Variants in CNTLN observed in about 807,000 individuals in gnomAD.
CNTLN encodes the protein centlein.
In CNTLN, 212 loss-of-function variants were observed where a neutral mutation model predicts 180.0. The ratio of observed to expected loss-of-function variants is 1.18; its 90% confidence interval spans 1.05 to 1.32. The LOEUF (loss-of-function observed/expected upper bound fraction) is 1.32. CNTLN is among the 40% of genes most tolerant of loss of function. The pLI is 0.00. For synonymous variants in CNTLN, 722 were observed against 563.1 expected, an observed-to-expected ratio of 1.28 and a Z score of -3.99; for missense variants, 2,095 against 1,610.9, an observed-to-expected ratio of 1.30 and a Z score of -5.14.
intron 25 of CNTLN, among the ~76,000 whole-genome samples, chr9:17,488,599 T>C (rs1832998263): frequency 6.6e-6 from 1 of 152,120 alleles, no homozygotes; most frequent in African/African-American, 2.4e-5. Flanking sequence ...GTACTGACAC[T>C]GGACCTGAGT....
chr9:17,295,364 C>A lies in CNTLN; in HGVS notation c.984-2826C>A, dbSNP rs73420220. 8.9e-3 allele frequency among the ~76,000 whole-genome samples: 1,362 copies of A among 152,314 alleles called. 21 individuals are homozygous for A. Among genetic ancestry groups the A allele is most frequent in the African/African-American group, 0.031 (1,280 of 41,580 alleles). ...TGGCGCGGAGAGCGAGCCACGACTG[C>A]GAGGGCTGCCAGCACACTGGCACCT... is the stretch of plus-strand genomic sequence containing the variant. On this transcript the variant is annotated intron_variant, in intron 6 of 25. Coordinates refer to ENST00000380647, the MANE Select transcript of CNTLN (RefSeq NM_017738.4).
At chr9:17,244,079 G>C (rs990459309) in intron 5 of CNTLN, among the ~76,000 whole-genome samples, 2 of 151,728 alleles carry the variant, frequency 1.3e-5, no homozygotes, top group Non-Finnish European at 1.5e-5. Flanking sequence ...TCTTTTTATA[G>C]TTGTTGTCTT....
chr9:17,265,616 C>G (rs1022423867), intron 5 of CNTLN, among the ~76,000 whole-genome samples: 1 of 152,088 alleles, frequency 6.6e-6, no homozygotes, highest in African/African-American at 2.4e-5. Context: ...TGGAGTGGTA[C>G]CAGCTCCTCT....
chr9:17,140,640 C>G (rs1818025866), intron 1 of CNTLN, among the ~76,000 whole-genome samples: 1 of 152,042 alleles, frequency 6.6e-6, no homozygotes. Flanking sequence ...GGGGGTCTCA[C>G]TATGTTGCCC....
intron 18 of CNTLN, among the ~76,000 whole-genome samples, chr9:17,420,701 C>A (rs1828652051): frequency 6.6e-6 from 1 of 152,004 alleles, no homozygotes; most frequent in South Asian, 2.1e-4. Context: ...TAGGTATAAA[C>A]TTCTCTCTTA....
At chr9:17,234,601 T>A (rs1825020175) in intron 3 of CNTLN, among the ~76,000 whole-genome samples, 1 of 152,026 alleles carries the variant, frequency 6.6e-6, no homozygotes, top group Non-Finnish European at 1.5e-5. Context: ...TGTGAGAGTA[T>A]AAAATAAATC....
chr9:17,257,155 T>C (rs918293129), intron 5 of CNTLN, among the ~76,000 whole-genome samples: 1 of 147,736 alleles, frequency 6.8e-6, no homozygotes, highest in African/African-American at 2.5e-5. Flanking sequence ...GTCCCCAGAG[T>C]GTGATGTTCC....
the CNTLN span, among the ~76,000 whole-genome samples, chr9:17,512,113 A>G: frequency 6.6e-6 from 1 of 152,212 alleles, no homozygotes. Context: ...AACTAAAACC[A>G]GTGTCAGAAA....
intron 8 of CNTLN, among the ~76,000 whole-genome samples, chr9:17,328,196 A>G (rs530360562): frequency 2.0e-5 from 3 of 152,292 alleles, no homozygotes; most frequent in South Asian, 4.1e-4. Flanking sequence ...AGCCTTCAGC[A>G]TAATTAGAAG....
At position 17,412,495 on chromosome 9, in the gene CNTLN, T is replaced by C. The variant is rs570988439; in HGVS notation, c.2796+3022T>C. Reference sequence around the variant, plus strand: ...TTTTCTACTTTATGTTGGTGTGAAATTGATACATGTTTAGTAGAAACTGTA... The same window carrying C: ...TTTTCTACTTTATGTTGGTGTGAAACTGATACATGTTTAGTAGAAACTGTA... On this transcript the variant is annotated intron_variant, in intron 16 of 25. Coordinates refer to ENST00000380647, the MANE Select transcript of CNTLN (RefSeq NM_017738.4). 2.0e-5 allele frequency among the ~76,000 whole-genome samples: 3 copies of C among 152,204 alleles called. No individual in the cohort carries two copies. The South Asian group carries it at 6.2e-4, about 31-fold the overall frequency.
At chr9:17,160,853 A>G (rs1004974396) in intron 2 of CNTLN, among the ~76,000 whole-genome samples, 13 of 152,184 alleles carry the variant, frequency 8.5e-5, no homozygotes, top group African/African-American at 2.7e-4. Context: ...ATGCATGGCC[A>G]TCATTAAAAC....
chr9:17,263,185 C>A, intron 5 of CNTLN, among the ~76,000 whole-genome samples: 1 of 118,234 alleles, frequency 8.5e-6, no homozygotes, highest in East Asian at 3.0e-4. Flanking sequence ...AATGCTATCC[C>A]TCCCCCCTCC....
intron 13 of CNTLN, among the ~76,000 whole-genome samples, chr9:17,378,554 G>T (rs1463356709): frequency 1.3e-5 from 2 of 152,010 alleles, no homozygotes; most frequent in African/African-American, 4.8e-5. Context: ...TCAATTTATT[G>T]TCTCAATTCT....
chr9:17,404,990 G>T (rs1410729639), intron 15 of CNTLN, among the ~76,000 whole-genome samples: 1 of 151,354 alleles, frequency 6.6e-6, no homozygotes. Flanking sequence ...TGCCCACCTC[G>T]GCCTCCCAAA....
intron 18 of CNTLN, among the ~76,000 whole-genome samples, chr9:17,425,488 T>C (rs1829017098): frequency 6.6e-6 from 1 of 152,206 alleles, no homozygotes; most frequent in African/African-American, 2.4e-5. Context: ...AAATTTCTGT[T>C]CTTTTAGCAA....
chr9:17,356,610 A>G (rs1264169893), intron 12 of CNTLN, among the ~76,000 whole-genome samples: 1 of 152,154 alleles, frequency 6.6e-6, no homozygotes, highest in African/African-American at 2.4e-5. Flanking sequence ...GTTTTATAAT[A>G]TTAGTTACAT....
intron 5 of CNTLN, among the ~76,000 whole-genome samples, chr9:17,249,351 TTTG>T (rs1167047607): frequency 3.0e-4 from 29 of 95,864 alleles, no homozygotes; most frequent in African/African-American, 1.0e-3. Context: ...GATTGTTTTT[TTTG>T]TTTTTTTTTT....
chr9:17,311,502 T>C (rs987787170), intron 8 of CNTLN, among the ~76,000 whole-genome samples: 2 of 150,342 alleles, frequency 1.3e-5, no homozygotes, highest in Admixed American at 6.6e-5. Flanking sequence ...CCCAGGAGGC[T>C]TTTTCTGTTA....
At chr9:17,357,445 A>G (rs1822938768) in intron 12 of CNTLN, among the ~76,000 whole-genome samples, 2 of 151,524 alleles carry the variant, frequency 1.3e-5, no homozygotes, top group East Asian at 3.8e-4. Context: ...TTTATCCCTT[A>G]GGTTGTATTC....
Sources: gnomAD v4.1 joint callset for allele counts (sites outside exome capture counted in the v4.1 genomes callset) on GRCh38, gnomAD v4.1.1 for gene constraint, MANE v1.5 for transcripts, NCBI Gene and HGNC (gene_info 2026-07-23, HGNC 2026-07-21) for gene names.